The following EMC2 variants were observed in gnomAD, a reference collection of about 807,000 sequenced individuals.
EMC2 encodes the protein ER membrane protein complex subunit 2, also known as TPR repeat protein 35.
EMC2 carries 37 observed loss-of-function variants against 51.6 expected under a neutral mutation model. That is an observed-to-expected ratio of 0.72 (90% confidence interval 0.55 to 0.94). The LOEUF is 0.94. Ranked by LOEUF, EMC2 falls within the 40% of genes least tolerant of loss-of-function variation. The pLI is 0.00. For missense variants in EMC2, 359 were observed against 350.9 expected, an observed-to-expected ratio of 1.02 and a Z score of -0.18; for synonymous variants, 131 against 112.4, an observed-to-expected ratio of 1.17 and a Z score of -1.04.
At chr8:108,445,544 G>A (rs981287561) in intron 1 of EMC2, among the ~76,000 whole-genome samples, 5 of 151,248 alleles carry the variant, frequency 3.3e-5, no homozygotes, top group Non-Finnish European at 5.9e-5. Flanking sequence ...CTACAAAAAA[G>A]CCTTACTTGA....
At position 108,456,342 on chromosome 8, in the gene EMC2, AAAAAAG is replaced by A. The variant is rs1176734934; in HGVS notation, c.363+418_363+423del. On this transcript the variant is annotated intron_variant, in intron 5 of 10. Coordinates refer to ENST00000220853, the MANE Select transcript of EMC2 (RefSeq NM_014673.5). ...AGCAAGACTTCGTGTCAAAAAAAAAAAAAAAGAAAAAAAAAAAAACAACTTCTAGAA... is the reference window on the plus strand; with the variant it reads ...AGCAAGACTTCGTGTCAAAAAAAAAAAAAAAAAAAAAAACAACTTCTAGAA... 4.9e-4 allele frequency among the ~76,000 whole-genome samples: 73 copies of A among 147,720 alleles called. 1 individual carries two copies. Among genetic ancestry groups the A allele is most frequent in the South Asian group, 4.1e-3 (19 of 4,620 alleles).
intron 5 of EMC2, among the ~76,000 whole-genome samples, chr8:108,457,331 C>CGT (rs56319322): frequency 0.16 from 20,551 of 127,622 alleles, 1,588 homozygotes; most frequent in East Asian, 0.37. Context: ...CGTGTGTGTG[C>CGT]GTGTGTGTGT....
intron 7 of EMC2, 145 bp from the exon 8 acceptor site, chr8:108,475,737 A>G (rs3736113): frequency 0.27 from 147,057 of 537,866 alleles, 22,024 homozygotes; most frequent in East Asian, 0.39. Flanking sequence ...TCAGATGACA[A>G]ATACTTTATT....
chr8:108,469,976 T>A, intron 6 of EMC2, 65 bp downstream of exon 6: 2 of 1,537,608 alleles, frequency 1.3e-6, no homozygotes, highest in Non-Finnish European at 1.8e-6. Context: ...TAAAATGGAA[T>A]TTGCATTTGA....
chr8:108,456,250 T>G (rs1819151638), intron 5 of EMC2, among the ~76,000 whole-genome samples: 1 of 147,774 alleles, frequency 6.8e-6, no homozygotes, highest in Non-Finnish European at 1.5e-5. Context: ...GGAGAATCCC[T>G]TGAACCTGGG....
chr8:108,453,138 C>A lies in EMC2; in HGVS notation c.296C>A (p.Ala99Asp). 1 of 1,595,890 alleles carries A rather than the reference C, an allele frequency of 6.3e-7. No homozygotes were observed. Among genetic ancestry groups the A allele is most frequent in the Non-Finnish European group, 8.6e-7 (1 of 1,168,352 alleles). The change falls in exon 4 of 11, where the codon GCC (alanine) becomes GAC (aspartate). Residue 99 changes from alanine to aspartate, a missense_variant. Transcript: ENST00000220853. Reference sequence around the variant, plus strand: ...CGATTAACAGGCATGAGATTTGAAGCCATGGAAAGGTAACCAAATCTTATC... The same window carrying A: ...CGATTAACAGGCATGAGATTTGAAGACATGGAAAGGTAACCAAATCTTATC... ...VKRLTGMRFE[A>D]MERYDDAIQL...
chr8:108,444,905 A>G (rs991341049), intron 1 of EMC2, among the ~76,000 whole-genome samples: 1 of 152,264 alleles, frequency 6.6e-6, no homozygotes, highest in African/African-American at 2.4e-5. Flanking sequence ...ACACAGTTTT[A>G]AAAGGCTTGT....
intron 1 of EMC2, among the ~76,000 whole-genome samples, chr8:108,448,884 A>C (rs1257356890): frequency 6.6e-6 from 1 of 152,116 alleles, no homozygotes; most frequent in Non-Finnish European, 1.5e-5. Context: ...TTCCTGTCAG[A>C]CAGCCATGAT....
At chr8:108,455,813 C>A in intron 4 of EMC2, 60 bp from the exon 5 acceptor site, 4 of 591,106 alleles carry the variant, frequency 6.8e-6, no homozygotes, top group East Asian at 3.7e-5. Context: ...TCTGTATTTA[C>A]TATTTATCAC....
In EMC2 at chr8:108,449,806, CATGTT is replaced by C; in HGVS notation, c.41-14_41-10del. The C allele has an allele frequency of 8.6e-7, 1 of 1,168,020 alleles. No homozygotes were observed. The highest frequency in any genetic ancestry group is 1.3e-6 in the Non-Finnish European group (1 of 780,536). The allele number at this position is 1,168,020 out of a possible 1,614,324, so 72.4% of individuals were successfully genotyped here. The stretch of plus-strand genomic sequence containing the variant: ...TCTGGGTACATATACACTTAAATGT[CATGTT>C]ATTTTTTTCAGAAATGAGAGATAAA... On this transcript the variant is annotated splice_polypyrimidine_tract_variant and intron_variant, in intron 1 of 10. Coordinates refer to ENST00000220853, the MANE Select transcript of EMC2 (RefSeq NM_014673.5).
rs149505240 is a variant in EMC2, at chr8:108,478,847, T to G, written c.703-159T>G. Among the ~76,000 whole-genome samples the G allele has an allele frequency of 4.5e-3, 680 of 152,060 alleles. 6 individuals are homozygous for G. The highest frequency in any genetic ancestry group is 0.015 in the African/African-American group (644 of 41,550). On this transcript the variant is annotated intron_variant, in intron 9 of 10. Transcript: ENST00000220853. ...TATATTTTAAAATATATTTTCATTT[T>G]TAAGCACTAATATTCAACTTTATGT...
Position 108,485,478 on chromosome 8 carries a change from C to CAT in EMC2, c.808-1024_808-1023dup, listed in dbSNP as rs915796506. On this transcript the variant is annotated intron_variant, in intron 10 of 10. Transcript: ENST00000220853. ...ACATATATATAATATATATAGGTAA[C>CAT]ATATATATATAAAATATATACATAA... Among the ~76,000 whole-genome samples, 117 of 139,836 alleles carry CAT rather than the reference C, an allele frequency of 8.4e-4. 1 individual carries two copies. In the South Asian group the frequency reaches 0.011, roughly 13 times the overall value. 91.7% of individuals were successfully genotyped at this position (139,836 alleles called of 152,430 possible).
chr8:108,481,467 T>TA (rs956582367), intron 10 of EMC2, among the ~76,000 whole-genome samples: 45 of 150,836 alleles, frequency 3.0e-4, no homozygotes, highest in Non-Finnish European at 5.5e-4. Flanking sequence ...TATGTAATAT[T>TA]AAAAAAAAAG....
At chr8:108,459,848 CTATCTG>C (rs1819269932) in intron 5 of EMC2, among the ~76,000 whole-genome samples, 3 of 141,210 alleles carry the variant, frequency 2.1e-5, no homozygotes, top group South Asian at 4.7e-4. Context: ...AGTTGCAAAC[CTATCTG>C]TAATAAAAAA....
chr8:108,482,631 C>G (rs1460958226), intron 10 of EMC2, among the ~76,000 whole-genome samples: 2 of 151,832 alleles, frequency 1.3e-5, no homozygotes, highest in Non-Finnish European at 2.9e-5. Context: ...GTTGCCCAGG[C>G]TGGAGTGCAG....
At chr8:108,451,046 A>G (rs930149222) in intron 3 of EMC2, among the ~76,000 whole-genome samples, 2 of 152,126 alleles carry the variant, frequency 1.3e-5, no homozygotes, top group South Asian at 4.1e-4. Flanking sequence ...TAGTAAAGAT[A>G]CAAAAAATCA....
At chr8:108,446,413 A>C in intron 1 of EMC2, 1 of 281,180 alleles carries the variant, frequency 3.6e-6, no homozygotes, top group African/African-American at 2.2e-5. Flanking sequence ...TTTGGAAGCT[A>C]TCCTAGCAAT....
chr8:108,466,795 T>G (rs1225351318), intron 5 of EMC2, among the ~76,000 whole-genome samples: 2 of 152,008 alleles, frequency 1.3e-5, no homozygotes, highest in Admixed American at 1.3e-4. Flanking sequence ...GTGCCCTAAA[T>G]GAGACCCAGA....
chr8:108,486,541 A>C lies in EMC2; in HGVS notation c.837A>C (p.Lys279Asn), dbSNP rs752749073. 5 of 1,598,424 alleles carry C rather than the reference A, an allele frequency of 3.1e-6. No homozygotes were observed. ...QFAGRSKKET[K>N]YSLKAVEDML... ...CAGGTCGAAGTAAGAAGGAAACCAA[A>C]TATTCTCTTAAGGCTGTCGAAGACA... Residue 279 changes from lysine (K) to asparagine (N), a missense_variant, in exon 11 of 11, where the codon AAA (lysine) becomes AAC (asparagine). By Grantham distance (94) the Lys-to-Asn change is moderately conservative. Coordinates refer to ENST00000220853, the MANE Select transcript of EMC2 (RefSeq NM_014673.5).
Sources: allele counts gnomAD v4.1 joint callset (sites outside exome capture counted in the v4.1 genomes callset), GRCh38; gene constraint gnomAD v4.1.1; transcripts MANE v1.5; gene names NCBI Gene and HGNC (gene_info 2026-07-23, HGNC 2026-07-21).